Variants in PTPRN2 observed in about 807,000 individuals in gnomAD.
The protein encoded by PTPRN2 is protein tyrosine phosphatase receptor type N2, also known as receptor-type tyrosine-protein phosphatase N2.
In PTPRN2, 74 loss-of-function variants were observed where a neutral mutation model predicts 118.8. The observed-to-expected ratio is 0.62, with a 90% CI of 0.52 to 0.76. PTPRN2 has a LOEUF of 0.76. Ranked by LOEUF, PTPRN2 falls within the 30% of genes least tolerant of loss-of-function variation. The pLI is 0.00. For synonymous variants in PTPRN2, 641 were observed against 608.0 expected, an observed-to-expected ratio of 1.05 and a Z score of -0.80; for missense variants, 1,481 against 1,394.4, an observed-to-expected ratio of 1.06 and a Z score of -0.99.
chr7:157,995,364 AAC>A (rs1178664495), intron 11 of PTPRN2, among the ~76,000 whole-genome samples: 1 of 152,208 alleles, frequency 6.6e-6, no homozygotes, highest in Non-Finnish European at 1.5e-5. Flanking sequence ...TTCCTAAATC[AAC>A]ACTGTGTCCC....
At chr7:158,177,013 C>G (rs1824267203) in intron 5 of PTPRN2, among the ~76,000 whole-genome samples, 1 of 152,202 alleles carries the variant, frequency 6.6e-6, no homozygotes, top group South Asian at 2.1e-4. Context: ...TTGTTGACCA[C>G]ATCTGGGTGG....
At chr7:158,270,870 C>A (rs1458447733) in intron 3 of PTPRN2, among the ~76,000 whole-genome samples, 11 of 65,082 alleles carry the variant, frequency 1.7e-4, no homozygotes, top group African/African-American at 5.0e-4. Context: ...ACCTGGACCG[C>A]CCCCTCCACC....
At chr7:157,834,894 T>C (rs2151167750) in intron 12 of PTPRN2, among the ~76,000 whole-genome samples, 1 of 152,288 alleles carries the variant, frequency 6.6e-6, no homozygotes, top group South Asian at 2.1e-4. Flanking sequence ...CCAGGGATTT[T>C]CCTGCAGCTG....
At chr7:157,546,508 T>G (rs2116981152) in intron 22 of PTPRN2, among the ~76,000 whole-genome samples, 1 of 152,338 alleles carries the variant, frequency 6.6e-6, no homozygotes, top group Non-Finnish European at 1.5e-5. Context: ...AGCTGTCATT[T>G]ATAAGTGGGA....
intron 12 of PTPRN2, among the ~76,000 whole-genome samples, chr7:157,870,177 C>G (rs1033549831): frequency 3.3e-5 from 5 of 152,160 alleles, no homozygotes; most frequent in Non-Finnish European, 7.3e-5. Flanking sequence ...GTTTGCTCAA[C>G]TTTAATTTTC....
At chr7:157,578,810 G>T (rs1164926151) in intron 17 of PTPRN2, among the ~76,000 whole-genome samples, 1 of 152,200 alleles carries the variant, frequency 6.6e-6, no homozygotes, top group Admixed American at 6.5e-5. Context: ...GGCTACTTGT[G>T]GCTGTAAACC....
Position 158,233,347 on chromosome 7 carries a change from T to A in PTPRN2, c.278-28074A>T, listed in dbSNP as rs552486333. Among the ~76,000 whole-genome samples, 4 of 152,160 alleles carry A rather than the reference T, an allele frequency of 2.6e-5. No individual in the cohort carries two copies. The South Asian group carries it at 8.3e-4, about 32-fold the overall frequency. On this transcript the variant is annotated intron_variant, in intron 3 of 22. Coordinates refer to ENST00000389418, the MANE Select transcript of PTPRN2 (RefSeq NM_002847.5). Reference sequence around the variant, plus strand: ...AAACATAATATAAGATACCTAGAAATTAATTTAACCAAAGAAGTAAAAGAT... The same window carrying A: ...AAACATAATATAAGATACCTAGAAAATAATTTAACCAAAGAAGTAAAAGAT...
At chr7:158,221,752 TC>T (rs1004407287) in intron 3 of PTPRN2, among the ~76,000 whole-genome samples, 1 of 152,130 alleles carries the variant, frequency 6.6e-6, no homozygotes, top group African/African-American at 2.4e-5. Flanking sequence ...CCAGGTCCCC[TC>T]CCACAAGACG....
intron 1 of PTPRN2, among the ~76,000 whole-genome samples, chr7:158,491,769 C>T (rs567393747): frequency 1.3e-5 from 2 of 152,308 alleles, no homozygotes; most frequent in East Asian, 1.9e-4. Context: ...GGATTACAGG[C>T]GTGAGCCACC....
chr7:158,338,968 A>G (rs866416650), intron 2 of PTPRN2, among the ~76,000 whole-genome samples: 5 of 5,020 alleles, frequency 1.0e-3, no homozygotes, highest in Admixed American at 1.2e-3. Flanking sequence ...CACCATAAGA[A>G]CTGACACCTG....
At chr7:158,481,528 G>A (rs554728416) in intron 2 of PTPRN2, among the ~76,000 whole-genome samples, 5 of 152,330 alleles carry the variant, frequency 3.3e-5, no homozygotes, top group East Asian at 1.9e-4. Flanking sequence ...GCAGTGGTGC[G>A]ATCTCGGCTC....
intron 3 of PTPRN2, among the ~76,000 whole-genome samples, chr7:158,279,765 C>T (rs1442965267): frequency 2.0e-5 from 3 of 152,222 alleles, no homozygotes; most frequent in Admixed American, 6.5e-5. Flanking sequence ...CTCAGCAAGC[C>T]CCAGAGAGGG....
intron 2 of PTPRN2, among the ~76,000 whole-genome samples, chr7:158,326,590 GCT>G (rs1193649837): frequency 1.3e-5 from 2 of 151,818 alleles, no homozygotes; most frequent in East Asian, 1.9e-4. Context: ...CCTCACACAT[GCT>G]CTCACAGGCA....
intron 3 of PTPRN2, among the ~76,000 whole-genome samples, chr7:158,293,941 A>G (rs1800289645): frequency 6.6e-6 from 1 of 152,248 alleles, no homozygotes. Flanking sequence ...CTCCTGAAGG[A>G]CCTGCCTGAG....
At chr7:158,366,971 G>A (rs544209373) in intron 2 of PTPRN2, among the ~76,000 whole-genome samples, 22 of 152,284 alleles carry the variant, frequency 1.4e-4, no homozygotes, top group South Asian at 4.2e-4. Context: ...GGGCAGTGCC[G>A]CTCCCGTGCA....
chr7:158,471,459 G>A (rs1201577701), intron 2 of PTPRN2, among the ~76,000 whole-genome samples: 1 of 152,176 alleles, frequency 6.6e-6, no homozygotes, highest in Non-Finnish European at 1.5e-5. Context: ...GGAGGCCGAC[G>A]CGGGTGGATC....
chr7:158,558,697 C>T (rs1827198291), intron 1 of PTPRN2, among the ~76,000 whole-genome samples: 1 of 150,802 alleles, frequency 6.6e-6, no homozygotes, highest in African/African-American at 2.5e-5. Context: ...CAGGATTCTC[C>T]TCAGTATTCA....
At chr7:158,236,784 A>T (rs1185952447) in intron 3 of PTPRN2, among the ~76,000 whole-genome samples, 1 of 61,334 alleles carries the variant, frequency 1.6e-5, no homozygotes, top group Non-Finnish European at 3.0e-5. Context: ...CTGCCCGACC[A>T]CTCTGCTGTG....
chr7:157,691,834 C>T (rs1412638343), intron 12 of PTPRN2, among the ~76,000 whole-genome samples: 1 of 152,176 alleles, frequency 6.6e-6, no homozygotes, highest in South Asian at 2.1e-4. Flanking sequence ...GCTAGGGTCT[C>T]GGGGCGACTA....
Sources: allele counts gnomAD v4.1 joint callset (sites outside exome capture counted in the v4.1 genomes callset), GRCh38; gene constraint gnomAD v4.1.1; transcripts MANE v1.5; gene names NCBI Gene and HGNC (gene_info 2026-07-23, HGNC 2026-07-21).